The following THSD7B variants were observed in gnomAD, a reference collection of about 807,000 sequenced individuals.
THSD7B encodes thrombospondin type 1 domain containing 7B, also known as thrombospondin type-1 domain-containing protein 7B.
A neutral mutation model predicts 213.6 loss-of-function variants in THSD7B; 138 were observed. The observed-to-expected ratio is 0.65, with a 90% CI of 0.56 to 0.74. The LOEUF (loss-of-function observed/expected upper bound fraction) is 0.74, where lower values mean the gene tolerates loss of function less well. THSD7B is among the 30% of genes least tolerant of loss of function. The pLI is 0.00. For synonymous variants in THSD7B, 742 were observed against 687.0 expected, an observed-to-expected ratio of 1.08 and a Z score of -1.25; for missense variants, 1,931 against 1,991.5, an observed-to-expected ratio of 0.97 and a Z score of 0.58.
intron 12 of THSD7B, among the ~76,000 whole-genome samples, chr2:137,326,612 A>G (rs766482657): frequency 3.3e-5 from 5 of 152,236 alleles, no homozygotes; most frequent in Non-Finnish European, 7.3e-5. Context: ...CATACCTCGC[A>G]GTTCCCCTTT....
Position 137,560,550 on chromosome 2 carries a change from C to T in THSD7B, c.3139-2671C>T, listed in dbSNP as rs527556568. 4.6e-5 allele frequency among the ~76,000 whole-genome samples: 7 copies of T among 152,026 alleles called. No individual in the cohort carries two copies. In the East Asian group the frequency reaches 5.8e-4, roughly 13 times the overall value. ...ACACAGGAGGGGGAACATCACACAC[C>T]GGGGCCTGTTGTGGGGTGGGTGGAA... On this transcript the variant is annotated intron_variant, in intron 15 of 27. Coordinates refer to ENST00000409968, the MANE Select transcript of THSD7B (RefSeq NM_001316349.2).
At chr2:136,971,707 C>G (rs555402782) in intron 2 of THSD7B, among the ~76,000 whole-genome samples, 1 of 147,596 alleles carries the variant, frequency 6.8e-6, no homozygotes, top group South Asian at 2.2e-4. Context: ...ATATATTATA[C>G]ATATAATAAA....
chr2:137,325,043 C>T (rs995528643), intron 12 of THSD7B, among the ~76,000 whole-genome samples: 7 of 152,166 alleles, frequency 4.6e-5, no homozygotes, highest in African/African-American at 1.4e-4. Flanking sequence ...TAGGCATTGG[C>T]GTTAAGCAGT....
chr2:137,180,992 G>A (rs962219913), intron 7 of THSD7B, among the ~76,000 whole-genome samples: 7 of 152,152 alleles, frequency 4.6e-5, no homozygotes, highest in African/African-American at 7.2e-5. Context: ...TGAGCTAAGA[G>A]CAAGAGAGAT....
At chr2:137,192,085 T>C (rs1229636868) in intron 7 of THSD7B, among the ~76,000 whole-genome samples, 1 of 152,136 alleles carries the variant, frequency 6.6e-6, no homozygotes, top group African/African-American at 2.4e-5. Context: ...TTTGTGGGTT[T>C]ATACCTCCCT....
chr2:136,950,890 G>A (rs759487080), intron 2 of THSD7B, among the ~76,000 whole-genome samples: 15 of 152,286 alleles, frequency 9.8e-5, no homozygotes, highest in South Asian at 2.1e-4. Context: ...CAATAACTCC[G>A]TCCTTTACTT....
intron 27 of THSD7B, among the ~76,000 whole-genome samples, chr2:137,671,250 A>T (rs138442707): frequency 0.42 from 45,630 of 108,162 alleles, 8,584 homozygotes; most frequent in Non-Finnish European, 0.5. Context: ...TTTTTTTTAA[A>T]AAAAAAAAAA....
At chr2:137,620,873 C>A in intron 20 of THSD7B, 147 bp downstream of exon 20, 1 of 636,896 alleles carries the variant, frequency 1.6e-6, no homozygotes, top group Non-Finnish European at 2.7e-6. Context: ...CAGAGCCTGG[C>A]CTCATATCAG....
chr2:137,589,455 C>A (rs572528079), intron 17 of THSD7B, among the ~76,000 whole-genome samples: 1 of 152,052 alleles, frequency 6.6e-6, no homozygotes, highest in Non-Finnish European at 1.5e-5. Context: ...CCTTTCCTTA[C>A]ATATAGTTGT....
intron 15 of THSD7B, among the ~76,000 whole-genome samples, chr2:137,511,548 A>C (rs1679961360): frequency 6.6e-6 from 1 of 152,166 alleles, no homozygotes; most frequent in Admixed American, 6.5e-5. Context: ...AGTCCTTGAT[A>C]TGTCCATTTA....
At chr2:136,813,449 G>A (rs1260445147) in intron 1 of THSD7B, among the ~76,000 whole-genome samples, 4 of 152,298 alleles carry the variant, frequency 2.6e-5, no homozygotes, top group Admixed American at 2.6e-4. Flanking sequence ...CCTGCTCTTC[G>A]AGATGACTTA....
At chr2:137,066,497 T>C (rs1408024963) in intron 3 of THSD7B, among the ~76,000 whole-genome samples, 1 of 152,022 alleles carries the variant, frequency 6.6e-6, no homozygotes, top group Non-Finnish European at 1.5e-5. Context: ...ACTGGCTAGG[T>C]TTTTGCTTTC....
At chr2:137,627,945 G>A (rs1427148243) in intron 20 of THSD7B, among the ~76,000 whole-genome samples, 1 of 152,198 alleles carries the variant, frequency 6.6e-6, no homozygotes, top group Admixed American at 6.5e-5. Flanking sequence ...TTAAAGTTGT[G>A]TAAATCTAAC....
chr2:137,213,512 A>T (rs1461736544), intron 7 of THSD7B, among the ~76,000 whole-genome samples: 1 of 148,906 alleles, frequency 6.7e-6, no homozygotes, highest in Non-Finnish European at 1.5e-5. Context: ...TGCTATATAT[A>T]TTCTATATAA....
At chr2:137,328,571 G>A (rs1490895733) in intron 12 of THSD7B, among the ~76,000 whole-genome samples, 2 of 152,186 alleles carry the variant, frequency 1.3e-5, no homozygotes, top group African/African-American at 4.8e-5. Context: ...ATGGACATCA[G>A]CAGACTGGTG....
At chr2:136,986,740 C>T (rs1221240989) in intron 2 of THSD7B, among the ~76,000 whole-genome samples, 1 of 152,146 alleles carries the variant, frequency 6.6e-6, no homozygotes, top group Non-Finnish European at 1.5e-5. Flanking sequence ...TATCTGAGAA[C>T]ATGAATTGAC....
At chr2:137,154,591 C>G (rs1230881053) in intron 5 of THSD7B, among the ~76,000 whole-genome samples, 1 of 151,878 alleles carries the variant, frequency 6.6e-6, no homozygotes, top group Non-Finnish European at 1.5e-5. Context: ...TACAAAATGG[C>G]TATCAATAGG....
chr2:136,774,756 G>C (rs16836585), intron 1 of THSD7B, among the ~76,000 whole-genome samples: 31,744 of 152,056 alleles, frequency 0.21, 3,862 homozygotes, highest in East Asian at 0.36. Flanking sequence ...TCGTGTAAGA[G>C]TATGTGCATG....
intron 15 of THSD7B, among the ~76,000 whole-genome samples, chr2:137,465,311 A>G (rs1424857384): frequency 2.0e-5 from 3 of 152,054 alleles, no homozygotes; most frequent in African/African-American, 4.8e-5. Flanking sequence ...ATTGAATACT[A>G]GAATAAAAGA....
Sources: allele counts gnomAD v4.1 joint callset (sites outside exome capture counted in the v4.1 genomes callset), GRCh38; gene constraint gnomAD v4.1.1; transcripts MANE v1.5; gene names NCBI Gene and HGNC (gene_info 2026-07-23, HGNC 2026-07-21).